Variants in RSRC1 observed in about 807,000 individuals in gnomAD.
RSRC1 encodes arginine and serine rich coiled-coil 1.
A neutral mutation model predicts 49.1 loss-of-function variants in RSRC1; 39 were observed. The observed-to-expected ratio is 0.79, with a 90% confidence interval of 0.61 to 1.04. RSRC1 has a LOEUF of 1.04. Ranked by LOEUF, RSRC1 falls within the 50% of genes least tolerant of loss-of-function variation. The probability of loss-of-function intolerance (pLI) is 0.00; values close to 1 mark genes in which losing one functional copy is unlikely to be tolerated. For missense variants in RSRC1, 388 were observed against 402.4 expected (o/e 0.96, Z 0.31); for synonymous variants, 143 against 130.8 (o/e 1.09, Z -0.63).
Position 158,184,795 on chromosome 3 carries a change from T to C in RSRC1, c.321-18277T>C, listed in dbSNP as rs537931613. ...AAGTATCTTAAGTTTTTCTTTTAGC[T>C]TTAGAATAATAAAATTTGCTATAAT... On this transcript the variant is annotated intron_variant, in intron 3 of 9. Coordinates refer to ENST00000611884, the MANE Select transcript of RSRC1 (RefSeq NM_001271838.2). 2.0e-5 allele frequency among the ~76,000 whole-genome samples: 3 copies of C among 152,216 alleles called. No homozygotes were observed. The South Asian group carries it at 6.2e-4, about 32-fold the overall frequency.
intron 1 of RSRC1, among the ~76,000 whole-genome samples, chr3:158,112,413 C>G (rs1714474965): frequency 6.6e-6 from 1 of 152,144 alleles, no homozygotes; most frequent in Admixed American, 6.5e-5. Flanking sequence ...AGTAGGACTT[C>G]AGTACCTGTC....
intron 4 of RSRC1, among the ~76,000 whole-genome samples, chr3:158,258,562 T>C (rs890279167): frequency 6.6e-6 from 1 of 152,156 alleles, no homozygotes; most frequent in African/African-American, 2.4e-5. Flanking sequence ...TATAACCTTC[T>C]TGTTCTTGAA....
rs867054436 is a variant in RSRC1 at position 158,236,520 on chromosome 3, A to G, written c.494+33275A>G. Among the ~76,000 whole-genome samples, 3 of 152,214 alleles carry G rather than the reference A, an allele frequency of 2.0e-5. No homozygotes were observed. In the South Asian group the frequency reaches 6.2e-4, roughly 32 times the overall value. ...AACAACTGCTCTGATTTCACTTACA[A>G]TAGATTAGTTCTAGAACTTCATATA... On this transcript the variant is annotated intron_variant, in intron 4 of 9. Transcript: ENST00000611884.
intron 4 of RSRC1, among the ~76,000 whole-genome samples, chr3:158,216,471 CT>C (rs1721950274): frequency 6.6e-6 from 1 of 151,308 alleles, no homozygotes; most frequent in Admixed American, 6.6e-5. Flanking sequence ...TGTTTATCTT[CT>C]TTCAGCTACT....
At chr3:158,429,222 G>A (rs1735632634) in intron 6 of RSRC1, among the ~76,000 whole-genome samples, 1 of 151,750 alleles carries the variant, frequency 6.6e-6, no homozygotes, top group African/African-American at 2.4e-5. Context: ...TAAAGAGAAA[G>A]CCTGACCAAT....
At chr3:158,290,756 C>G (rs1726889211) in intron 4 of RSRC1, among the ~76,000 whole-genome samples, 1 of 152,010 alleles carries the variant, frequency 6.6e-6, no homozygotes, top group Non-Finnish European at 1.5e-5. Context: ...ATGTAAAAAT[C>G]CAACTCCTGT....
intron 6 of RSRC1, among the ~76,000 whole-genome samples, chr3:158,398,129 G>A (rs1283268434): frequency 6.6e-6 from 1 of 152,048 alleles, no homozygotes; most frequent in African/African-American, 2.4e-5. Context: ...TATTATGGAG[G>A]GGTATGTCAG....
At chr3:158,216,629 T>A (rs1721960654) in intron 4 of RSRC1, among the ~76,000 whole-genome samples, 1 of 151,386 alleles carries the variant, frequency 6.6e-6, no homozygotes, top group South Asian at 2.1e-4. Context: ...AAACAAAAAA[T>A]TGTTTAAAAA....
intron 3 of RSRC1, among the ~76,000 whole-genome samples, chr3:158,137,537 T>C (rs1716454556): frequency 6.6e-6 from 1 of 152,042 alleles, no homozygotes; most frequent in Admixed American, 6.5e-5. Context: ...AAAAGGAATA[T>C]TGTAAAAATT....
intron 7 of RSRC1, among the ~76,000 whole-genome samples, chr3:158,495,589 A>G (rs767363732): frequency 6.6e-6 from 1 of 152,254 alleles, no homozygotes; most frequent in Non-Finnish European, 1.5e-5. Context: ...CCCGGCCTCC[A>G]CTGTGAATTG....
intron 3 of RSRC1, among the ~76,000 whole-genome samples, chr3:158,136,196 A>G (rs1315679837): frequency 1.3e-5 from 2 of 152,222 alleles, no homozygotes; most frequent in African/African-American, 2.4e-5. Context: ...TCATGTATAA[A>G]GTATTATGCT....
At chr3:158,457,301 T>C (rs1190967488) in intron 6 of RSRC1, among the ~76,000 whole-genome samples, 1 of 152,176 alleles carries the variant, frequency 6.6e-6, no homozygotes, top group Non-Finnish European at 1.5e-5. Context: ...CTGGTTCCGG[T>C]ACAATCAGCT....
intron 5 of RSRC1, among the ~76,000 whole-genome samples, chr3:158,318,214 G>A (rs1341599610): frequency 2.6e-5 from 4 of 151,944 alleles, no homozygotes; most frequent in African/African-American, 9.7e-5. Context: ...ATGGACTCCA[G>A]GTAGAAAGAT....
At chr3:158,230,441 G>T (rs573365740) in intron 4 of RSRC1, among the ~76,000 whole-genome samples, 1 of 152,040 alleles carries the variant, frequency 6.6e-6, no homozygotes, top group Non-Finnish European at 1.5e-5. Flanking sequence ...AATAAATTAC[G>T]TGCTTTATTT....
At chr3:158,435,465 A>G (rs1735995238) in intron 6 of RSRC1, among the ~76,000 whole-genome samples, 1 of 151,752 alleles carries the variant, frequency 6.6e-6, no homozygotes, top group African/African-American at 2.4e-5. Context: ...ATGAGGAAAT[A>G]TAGGACTTGT....
At chr3:158,254,980 A>G (rs539722882) in intron 4 of RSRC1, among the ~76,000 whole-genome samples, 1 of 152,104 alleles carries the variant, frequency 6.6e-6, no homozygotes, top group Non-Finnish European at 1.5e-5. Context: ...CCTTTGTCAG[A>G]TGGGTAGATT....
intron 7 of RSRC1, among the ~76,000 whole-genome samples, chr3:158,490,921 T>C (rs969334562): frequency 6.6e-6 from 1 of 152,364 alleles, no homozygotes; most frequent in South Asian, 2.1e-4. Context: ...TGAACACTAA[T>C]GTGATAGAAC....
At chr3:158,365,225 G>A (rs62289506) in intron 6 of RSRC1, among the ~76,000 whole-genome samples, 4 of 152,028 alleles carry the variant, frequency 2.6e-5, no homozygotes, top group Non-Finnish European at 5.9e-5. Context: ...AGGTATACAC[G>A]TGCCATGGTG....
At chr3:158,513,344 A>G (rs1208574081) in intron 7 of RSRC1, among the ~76,000 whole-genome samples, 2 of 152,140 alleles carry the variant, frequency 1.3e-5, no homozygotes, top group African/African-American at 2.4e-5. Context: ...GAATTTTGTC[A>G]AAGGCCTTTT....
Sources: gnomAD v4.1 joint callset for allele counts (sites outside exome capture counted in the v4.1 genomes callset) on GRCh38, gnomAD v4.1.1 for gene constraint, MANE v1.5 for transcripts, NCBI Gene and HGNC (gene_info 2026-07-23, HGNC 2026-07-21) for gene names.